LAMC3: variants seen among roughly 807,000 people sequenced by gnomAD.
LAMC3 encodes the protein laminin subunit gamma 3, also known as laminin subunit gamma-3.
LAMC3 carries 128 observed loss-of-function variants against 173.8 expected under a neutral mutation model. The observed-to-expected ratio is 0.74, with a 90% CI of 0.64 to 0.85. The LOEUF is 0.85. LAMC3 is among the 40% of genes least tolerant of loss of function. The pLI, the probability that LAMC3 is intolerant of heterozygous loss-of-function variation, is 0.00. For missense variants in LAMC3, 2,022 were observed against 2,156.0 expected (o/e 0.94, Z 1.23); for synonymous variants, 897 against 909.1 (o/e 0.99, Z 0.24).
chr9:131,049,269 G>T, intron 9 of LAMC3, 139 bp downstream of exon 9: 2 of 695,500 alleles, frequency 2.9e-6, no homozygotes, highest in South Asian at 3.1e-5. Context: ...TAGGTCTCTC[G>T]GAGCTAACAT....
chr9:131,059,384 A>G (rs887757799), intron 12 of LAMC3, among the ~76,000 whole-genome samples: 1 of 136,732 alleles, frequency 7.3e-6, no homozygotes, highest in Non-Finnish European at 1.6e-5. Context: ...CCCATCTACT[A>G]GGGAGGCTGA....
Position 131,077,370 on chromosome 9 carries a change from G to A in LAMC3, c.3777+36G>A, listed in dbSNP as rs755903869. The A allele has an allele frequency of 1.2e-5, 19 of 1,610,826 alleles. No homozygotes were observed. In the East Asian group the frequency reaches 1.3e-4, roughly 11 times the overall value. On this transcript the variant is annotated intron_variant, in intron 22 of 27. Coordinates refer to ENST00000361069, the MANE Select transcript of LAMC3 (RefSeq NM_006059.4). ...TTGTCTCAGAGCTCCGTGTGGGGTC[G>A]GGAGGATCTATTATAGAAGCTGGAG...
At chr9:131,031,331 C>T (rs1833819218) in intron 2 of LAMC3, among the ~76,000 whole-genome samples, 1 of 152,226 alleles carries the variant, frequency 6.6e-6, no homozygotes, top group South Asian at 2.1e-4. Flanking sequence ...CACGCTCTTC[C>T]ATGGGGAAGC....
chr9:131,090,188 G>A (rs983288451), intron 27 of LAMC3, among the ~76,000 whole-genome samples: 4 of 152,296 alleles, frequency 2.6e-5, no homozygotes, highest in South Asian at 2.1e-4. Flanking sequence ...CTCAGCGTGC[G>A]TGCAGGTAGC....
Position 131,087,471 on chromosome 9 carries a change from C to T in LAMC3, c.4231-5C>T. ...TTCTCCCTGCCACTGCCACCCATCC[C>T]ATAGCTTGCCAAGGCCTTGCTGAGG... On this transcript the variant is annotated splice_polypyrimidine_tract_variant and splice_region_variant and intron_variant, in intron 25 of 27. Transcript: ENST00000361069. 6.2e-7 allele frequency: 1 copy of T among 1,613,772 alleles called. No homozygotes were observed. Among genetic ancestry groups the T allele is most frequent in the Non-Finnish European group, 8.5e-7 (1 of 1,179,980 alleles).
intron 2 of LAMC3, among the ~76,000 whole-genome samples, chr9:131,031,842 C>G (rs2275134): frequency 6.6e-6 from 1 of 152,014 alleles, no homozygotes; most frequent in African/African-American, 2.4e-5. Context: ...TTGCACTAAT[C>G]AGTAGCCTAG....
In LAMC3 at chr9:131,068,953, C is replaced by T; in HGVS notation, c.2793C>T (p.Pro931=). The change falls in exon 16 of 28, where the codon CCC becomes CCT. Residue 931 remains proline, a synonymous_variant. Transcript: ENST00000361069. ...GCTCCCAGGAGGACCAGTGCCATCC[C>T]AAGACTGGACAGTGCACCTGCCGCC... ...PLGSQEDQCH[P]KTGQCTCRPG... 1 of 1,614,104 alleles carries T rather than the reference C, an allele frequency of 6.2e-7. No individual in the cohort carries two copies. Among genetic ancestry groups the T allele is most frequent in the Non-Finnish European group, 8.5e-7 (1 of 1,180,006 alleles).
chr9:131,077,469 G>T (rs997812069), intron 22 of LAMC3, 135 bp downstream of exon 22: 18 of 1,124,570 alleles, frequency 1.6e-5, no homozygotes, highest in Non-Finnish European at 2.1e-5. Flanking sequence ...CTGAGGTCAG[G>T]AGTTTGAGAC....
Position 131,041,814 on chromosome 9 carries a change from C to CG in LAMC3, c.1382+83dup, listed in dbSNP as rs893558524. ...GATGAGGCACCAAAGCTGTGGAGTG[C>CG]GGGGAGGAGCAAGGGGCACGGTCTT... On this transcript the variant is annotated intron_variant, in intron 7 of 27. Transcript: ENST00000361069. The CG allele has an allele frequency of 1.3e-5, 16 of 1,271,696 alleles. 1 individual carries two copies. The highest frequency in any genetic ancestry group is 1.8e-5 in the Non-Finnish European group (16 of 894,562). The allele number at this position is 1,271,696 out of a possible 1,614,324, so 78.8% of individuals were successfully genotyped here.
rs917354646 is a variant in LAMC3, at chr9:131,072,846, G to A, written c.3417+11G>A. On this transcript the variant is annotated intron_variant, in intron 19 of 27. Coordinates refer to ENST00000361069, the MANE Select transcript of LAMC3 (RefSeq NM_006059.4). ...ATTCTCGCGTCTCTGGTATCCCAGG[G>A]GACCCCCCTACCCGAACACACCAAA... 2 of 1,606,256 alleles carry A rather than the reference G, an allele frequency of 1.2e-6. No individual in the cohort carries two copies. The highest frequency in any genetic ancestry group is 1.7e-6 in the Non-Finnish European group (2 of 1,176,410).
chr9:131,067,975 C>G (rs757731801), intron 14 of LAMC3, 103 bp from the exon 15 acceptor site: 1 of 1,250,596 alleles, frequency 8.0e-7, no homozygotes, highest in Non-Finnish European at 1.2e-6. Flanking sequence ...TGTGCCGTAT[C>G]ATCTCTGGAG....
At chr9:131,049,198 G>T in intron 9 of LAMC3, 68 bp downstream of exon 9, 1 of 891,184 alleles carries the variant, frequency 1.1e-6, no homozygotes, top group Non-Finnish European at 1.8e-6. Context: ...ACAACTTGCC[G>T]CATATTAGAG....
intron 4 of LAMC3, 79 bp downstream of exon 4, chr9:131,036,411 G>A (rs1301338928): frequency 2.3e-5 from 36 of 1,538,450 alleles, no homozygotes; most frequent in South Asian, 2.0e-4. Context: ...CCAAAACGTC[G>A]TGGTGGGGGC....
At chr9:131,058,894 G>GAAAA (rs748695258) in intron 12 of LAMC3, among the ~76,000 whole-genome samples, 57 of 119,388 alleles carry the variant, frequency 4.8e-4, no homozygotes, top group Middle Eastern at 5.2e-3. Context: ...GACTCCAGAG[G>GAAAA]AAAAAAGAAA....
chr9:131,075,736 G>T, intron 20 of LAMC3, 95 bp from the exon 21 acceptor site: 1 of 1,364,370 alleles, frequency 7.3e-7, no homozygotes, highest in South Asian at 1.3e-5. Flanking sequence ...TCTGTTAGGG[G>T]CAGCAGGAGG....
intron 6 of LAMC3, among the ~76,000 whole-genome samples, chr9:131,041,048 A>G (rs1484182267): frequency 2.0e-5 from 3 of 152,008 alleles, no homozygotes; most frequent in Non-Finnish European, 4.4e-5. Context: ...GAATAAGTGG[A>G]TGGAGGAGTG....
At chr9:131,082,827 G>A (rs548027815) in intron 24 of LAMC3, among the ~76,000 whole-genome samples, 31 of 152,310 alleles carry the variant, frequency 2.0e-4, no homozygotes, top group African/African-American at 7.5e-4. Flanking sequence ...ATGTCTCTTG[G>A]GGTCTGAGGC....
chr9:131,091,410 C>A, intron 27 of LAMC3, 127 bp from the exon 28 acceptor site: 2 of 1,305,118 alleles, frequency 1.5e-6, no homozygotes, highest in Non-Finnish European at 2.1e-6. Context: ...CCCCATCTTT[C>A]CCTGGTGGAT....
chr9:131,081,087 C>A (rs1394231736), intron 23 of LAMC3, among the ~76,000 whole-genome samples: 1 of 152,216 alleles, frequency 6.6e-6, no homozygotes, highest in Non-Finnish European at 1.5e-5. Context: ...CGGGCAGCCT[C>A]CACTCTGTTC....
Sources: allele counts gnomAD v4.1 joint callset (sites outside exome capture counted in the v4.1 genomes callset), GRCh38; gene constraint gnomAD v4.1.1; transcripts MANE v1.5; gene names NCBI Gene and HGNC (gene_info 2026-07-23, HGNC 2026-07-21).